CLASP1: variants seen among roughly 807,000 people sequenced by gnomAD.
CLASP1 encodes the protein cytoplasmic linker associated protein 1, also known as CLIP-associating protein 1.
A neutral mutation model predicts 192.3 loss-of-function variants in CLASP1; 38 were observed. The ratio of observed to expected loss-of-function variants is 0.20; its 90% CI spans 0.15 to 0.26. CLASP1 has a LOEUF of 0.26. Among genes scored for constraint, CLASP1 ranks in the 10% least tolerant of loss-of-function variants. The pLI is 1.00. For synonymous variants in CLASP1, 691 were observed against 712.8 expected, an observed-to-expected ratio of 0.97 and a Z score of 0.49; for missense variants, 1,433 against 1,932.5, an observed-to-expected ratio of 0.74 and a Z score of 4.85.
At chr2:121,568,870 A>C (rs1300256044) in intron 2 of CLASP1, among the ~76,000 whole-genome samples, 1 of 152,002 alleles carries the variant, frequency 6.6e-6, no homozygotes, top group East Asian at 1.9e-4. Context: ...CTTCTCCACA[A>C]GTTTTAGTTA....
chr2:121,381,883 C>T (rs150399936), intron 33 of CLASP1, among the ~76,000 whole-genome samples: 2 of 152,198 alleles, frequency 1.3e-5, no homozygotes, highest in Admixed American at 6.5e-5. Context: ...CTATTGCCCA[C>T]GCTGACCTCA....
chr2:121,383,178 G>A (rs1418637533), intron 32 of CLASP1, among the ~76,000 whole-genome samples: 26 of 152,186 alleles, frequency 1.7e-4, no homozygotes, highest in Non-Finnish European at 4.4e-5. Flanking sequence ...TGTGGGGTAA[G>A]GCCATGGGTG....
chr2:121,531,593 CAA>C (rs35331131), intron 2 of CLASP1, among the ~76,000 whole-genome samples: 21 of 103,930 alleles, frequency 2.0e-4, no homozygotes, highest in Admixed American at 3.2e-4. Context: ...GACTCCATCT[CAA>C]AAAAAAAAAA....
At chr2:121,397,018 C>T in intron 30 of CLASP1, 122 bp downstream of exon 31, 2 of 887,138 alleles carry the variant, frequency 2.3e-6, no homozygotes, top group Non-Finnish European at 1.8e-6. Flanking sequence ...AAAAGGGCAA[C>T]AGCAGAGCCT....
intron 9 of CLASP1, among the ~76,000 whole-genome samples, chr2:121,466,341 A>G (rs2089576616): frequency 1.3e-5 from 2 of 152,220 alleles, no homozygotes; most frequent in Admixed American, 6.5e-5. Flanking sequence ...TCTATCACAG[A>G]TGCTGGGGTG....
At chr2:121,518,851 C>T (rs1408266631) in intron 6 of CLASP1, among the ~76,000 whole-genome samples, 2 of 152,188 alleles carry the variant, frequency 1.3e-5, no homozygotes, top group African/African-American at 4.8e-5. Flanking sequence ...TCACTCCAGC[C>T]TGGGTGACAG....
In CLASP1 at chr2:121,407,395, T is replaced by C. The variant is rs2077079592; in HGVS notation, c.2669+76A>G. ...TATAGGAATTAGACTCCATTAATTA[T>C]AGGAAATCCCTTTAAACCCCTGAAG... On this transcript the variant is annotated intron_variant, in intron 25 of 39. Transcript: ENST00000263710. 6 of 1,515,570 alleles carry C rather than the reference T, an allele frequency of 4.0e-6. No individual in the cohort carries two copies. The African/African-American group carries it at 5.5e-5, about 14-fold the overall frequency. 93.9% of individuals were successfully genotyped at this position (1,515,570 alleles called of 1,614,324 possible). A position where few individuals can be genotyped will look rare whatever the true frequency, so the allele number is the denominator to read the frequency against.
chr2:121,569,398 C>G (rs2059789469), intron 2 of CLASP1, among the ~76,000 whole-genome samples: 1 of 152,226 alleles, frequency 6.6e-6, no homozygotes, highest in Non-Finnish European at 1.5e-5. Context: ...CAGTAAAAGA[C>G]AGCAGGAATG....
chr2:121,357,211 T>C (rs137924289), intron 37 of CLASP1, among the ~76,000 whole-genome samples: 1 of 152,360 alleles, frequency 6.6e-6, no homozygotes, highest in Non-Finnish European at 1.5e-5. Context: ...ATTTAATAGC[T>C]TCTTCGGTGT....
chr2:121,439,617 C>G (rs1239312114), intron 19 of CLASP1, among the ~76,000 whole-genome samples: 1 of 152,078 alleles, frequency 6.6e-6, no homozygotes, highest in East Asian at 1.9e-4. Context: ...TGTTCAGTTT[C>G]CATATAGTTG....
At chr2:121,383,555 C>T (rs1334636426) in intron 32 of CLASP1, among the ~76,000 whole-genome samples, 1 of 152,114 alleles carries the variant, frequency 6.6e-6, no homozygotes, top group Non-Finnish European at 1.5e-5. Flanking sequence ...TCTATCCATA[C>T]TCTGGATCCT....
chr2:121,406,591 A>AT (rs967513790), intron 25 of CLASP1, among the ~76,000 whole-genome samples: 13 of 151,736 alleles, frequency 8.6e-5, no homozygotes, highest in Middle Eastern at 3.4e-3. Context: ...TTATTTTTTT[A>AT]TTTTTTTTAT....
At chr2:121,528,649 G>T in intron 4 of CLASP1, 28 bp downstream of exon 4, 2 of 1,594,218 alleles carry the variant, frequency 1.3e-6, no homozygotes, top group South Asian at 1.1e-5. Flanking sequence ...CTGGCCAGCT[G>T]ACCTCAAAAC....
intron 1 of CLASP1, among the ~76,000 whole-genome samples, chr2:121,635,564 G>A (rs1054020405): frequency 2.0e-5 from 3 of 152,090 alleles, no homozygotes; most frequent in African/African-American, 7.2e-5. Context: ...ATTACAAAAC[G>A]GACTCCCCAG....
At chr2:121,613,228 A>T (rs756479806) in intron 1 of CLASP1, among the ~76,000 whole-genome samples, 5 of 152,194 alleles carry the variant, frequency 3.3e-5, no homozygotes, top group Admixed American at 1.3e-4. Flanking sequence ...ATTCTCCAAC[A>T]TCAACATTCT....
intron 8 of CLASP1, among the ~76,000 whole-genome samples, chr2:121,472,479 T>C (rs943239653): frequency 2.6e-5 from 4 of 152,200 alleles, no homozygotes; most frequent in Admixed American, 6.5e-5. Flanking sequence ...AGGCAAGCTA[T>C]ACAATCACCC....
chr2:121,365,118 C>G, exon 36 of CLASP1: 1 of 1,613,990 alleles, frequency 6.2e-7, no homozygotes, highest in Non-Finnish European at 8.5e-7. Flanking sequence ...GGGTCTCCAG[C>G]AGCAGGAGCA....
intron 2 of CLASP1, among the ~76,000 whole-genome samples, chr2:121,588,173 CAAAAAAAAAAAAA>C (rs397769809): frequency 2.8e-4 from 17 of 61,068 alleles, no homozygotes; most frequent in South Asian, 1.7e-3. Flanking sequence ...GACTCCGTCT[CAAAAAAAAAAAAA>C]AAAAAAAAAA....
intron 2 of CLASP1, among the ~76,000 whole-genome samples, chr2:121,556,285 C>T (rs2058565551): frequency 6.6e-6 from 1 of 152,142 alleles, no homozygotes; most frequent in South Asian, 2.1e-4. Context: ...CATGCCCAGC[C>T]ACAGAATGTC....
Sources: allele counts gnomAD v4.1 joint callset (sites outside exome capture counted in the v4.1 genomes callset), GRCh38; gene constraint gnomAD v4.1.1; transcripts MANE v1.5; gene names NCBI Gene and HGNC (gene_info 2026-07-23, HGNC 2026-07-21).